Variants in ATRNL1 observed in about 807,000 individuals in gnomAD.
The protein encoded by ATRNL1 is attractin like 1.
ATRNL1 carries 95 observed loss-of-function variants against 182.7 expected under a neutral mutation model. That is an observed-to-expected ratio of 0.52 (90% CI 0.44 to 0.62). The LOEUF (loss-of-function observed/expected upper bound fraction) is 0.62, where lower values mean the gene tolerates loss of function less well. Among genes scored for constraint, ATRNL1 ranks in the 20% least tolerant of loss-of-function variants. ATRNL1 has a pLI of 0.00. For synonymous variants in ATRNL1, 576 were observed against 568.3 expected (o/e 1.01, Z -0.19); for missense variants, 1,471 against 1,679.5 (o/e 0.88, Z 2.17).
intron 27 of ATRNL1, among the ~76,000 whole-genome samples, chr10:115,735,345 A>G (rs1947918481): frequency 6.6e-6 from 1 of 152,114 alleles, no homozygotes; most frequent in Admixed American, 6.5e-5. Flanking sequence ...TGGGAGGGTC[A>G]CACTCACACA....
intron 19 of ATRNL1, among the ~76,000 whole-genome samples, chr10:115,371,752 G>C (rs1857406765): frequency 6.6e-6 from 1 of 152,128 alleles, no homozygotes; most frequent in Admixed American, 6.5e-5. Flanking sequence ...TATGACTTGG[G>C]GGAATGTTGG....
At chr10:115,559,604 G>T (rs2133834069) in intron 26 of ATRNL1, among the ~76,000 whole-genome samples, 1 of 152,226 alleles carries the variant, frequency 6.6e-6, no homozygotes, top group Admixed American at 6.5e-5. Context: ...CCTAGATCTT[G>T]ATTTCTAAAT....
chr10:115,836,542 G>A (rs761171189), intron 27 of ATRNL1, among the ~76,000 whole-genome samples: 12 of 152,246 alleles, frequency 7.9e-5, no homozygotes, highest in Middle Eastern at 3.4e-3. Flanking sequence ...CGCTTCTGGC[G>A]TTGCCTGCAA....
chr10:115,150,189 C>A (rs1044031003), intron 5 of ATRNL1, among the ~76,000 whole-genome samples: 1 of 151,734 alleles, frequency 6.6e-6, no homozygotes, highest in African/African-American at 2.4e-5. Context: ...TCAGTTGTAA[C>A]GTGTCCTTTT....
rs797028932 is a variant in ATRNL1 at position 115,315,027 on chromosome 10, C to T, written c.2819-491C>T. On this transcript the variant is annotated intron_variant, in intron 17 of 28. Transcript: ENST00000355044. ...TAGTATCTTGGACCCTTGTGAGGAG[C>T]ATTGTCCATAATAGGTAGTCCAAAT... Among the ~76,000 whole-genome samples, 4 of 152,116 alleles carry T rather than the reference C, an allele frequency of 2.6e-5. No homozygotes were observed. In the East Asian group the frequency reaches 7.7e-4, roughly 29 times the overall value.
chr10:115,252,350 G>A (rs972953360), intron 10 of ATRNL1, among the ~76,000 whole-genome samples: 2 of 151,956 alleles, frequency 1.3e-5, no homozygotes, highest in African/African-American at 2.4e-5. Context: ...TTCTTTGGTC[G>A]TATACTCTCT....
chr10:115,197,946 A>G (rs1554891432), intron 8 of ATRNL1, among the ~76,000 whole-genome samples: 1 of 152,142 alleles, frequency 6.6e-6, no homozygotes, highest in East Asian at 1.9e-4. Context: ...TTGATTCCAT[A>G]TCTTGGCTAT....
chr10:115,222,744 A>G (rs1217730482), intron 9 of ATRNL1, among the ~76,000 whole-genome samples: 1 of 152,224 alleles, frequency 6.6e-6, no homozygotes, highest in Non-Finnish European at 1.5e-5. Flanking sequence ...TAGAAAAACA[A>G]TGACTGAGAT....
chr10:115,265,309 G>A, intron 11 of ATRNL1, 32 bp downstream of exon 11: 3 of 1,366,564 alleles, frequency 2.2e-6, no homozygotes, highest in Non-Finnish European at 3.1e-6. Flanking sequence ...TTTTTAGAGG[G>A]TCACTTATAT....
At chr10:115,162,056 G>A (rs2144016688) in intron 6 of ATRNL1, among the ~76,000 whole-genome samples, 1 of 151,888 alleles carries the variant, frequency 6.6e-6, no homozygotes, top group East Asian at 1.9e-4. Context: ...GCAAACTTTT[G>A]AAAACACTAC....
intron 28 of ATRNL1, among the ~76,000 whole-genome samples, chr10:115,914,838 G>A (rs1952796514): frequency 6.6e-6 from 1 of 152,052 alleles, no homozygotes; most frequent in Non-Finnish European, 1.5e-5. Context: ...TGTGTCCTTG[G>A]CAAAGTTGTT....
At chr10:115,755,873 C>T (rs1009325862) in intron 27 of ATRNL1, among the ~76,000 whole-genome samples, 3 of 152,044 alleles carry the variant, frequency 2.0e-5, no homozygotes, top group South Asian at 2.1e-4. Context: ...TTCAGGGATT[C>T]GACTTCTTCC....
At chr10:115,900,156 CAG>C (rs1349516111) in intron 28 of ATRNL1, among the ~76,000 whole-genome samples, 2 of 152,146 alleles carry the variant, frequency 1.3e-5, no homozygotes, top group Non-Finnish European at 2.9e-5. Context: ...TGGAAAGAAA[CAG>C]AGTTTCCAAT....
intron 9 of ATRNL1, among the ~76,000 whole-genome samples, chr10:115,237,349 C>G (rs1554901689): frequency 6.6e-6 from 1 of 152,118 alleles, no homozygotes; most frequent in African/African-American, 2.4e-5. Context: ...TTTTTCATTC[C>G]CAGCAGCGAT....
rs1845270650 is a variant in ATRNL1, at chr10:115,414,034, A to G, written c.3270-12216A>G. Among the ~76,000 whole-genome samples, 3 of 152,188 alleles carry G rather than the reference A, an allele frequency of 2.0e-5. No individual in the cohort carries two copies. In the South Asian group the frequency reaches 6.2e-4, roughly 31 times the overall value. On this transcript the variant is annotated intron_variant, in intron 20 of 28. Coordinates refer to ENST00000355044, the MANE Select transcript of ATRNL1 (RefSeq NM_207303.4). Reference sequence around the variant, plus strand: ...ACTTCCAATTCGGATCTATTTCTGCAAGGCTTTTGTACCTTCTCCGGCTCA... The same window carrying G: ...ACTTCCAATTCGGATCTATTTCTGCGAGGCTTTTGTACCTTCTCCGGCTCA...
chr10:115,118,250 G>C (rs550025315), intron 1 of ATRNL1, among the ~76,000 whole-genome samples: 184 of 152,152 alleles, frequency 1.2e-3, no homozygotes, highest in Non-Finnish European at 2.4e-3. Context: ...TGTGCTTGTG[G>C]GTTATTCCTC....
At chr10:115,467,694 T>A (rs1479046099) in intron 23 of ATRNL1, among the ~76,000 whole-genome samples, 3 of 150,730 alleles carry the variant, frequency 2.0e-5, no homozygotes, top group African/African-American at 7.3e-5. Context: ...TTAGAAAATA[T>A]AACCCCTCTT....
intron 19 of ATRNL1, among the ~76,000 whole-genome samples, chr10:115,374,063 A>G (rs1429527295): frequency 4.0e-5 from 6 of 151,720 alleles, no homozygotes; most frequent in African/African-American, 1.4e-4. Context: ...GATTCTGTTT[A>G]TATTTTCTAT....
At chr10:115,145,904 T>C (rs1232164439) in intron 5 of ATRNL1, among the ~76,000 whole-genome samples, 2 of 152,140 alleles carry the variant, frequency 1.3e-5, no homozygotes, top group Non-Finnish European at 2.9e-5. Context: ...TAAGCTTGAT[T>C]TTTCTCCTTG....
Sources: gnomAD v4.1 joint callset for allele counts (sites outside exome capture counted in the v4.1 genomes callset) on GRCh38, gnomAD v4.1.1 for gene constraint, MANE v1.5 for transcripts, NCBI Gene and HGNC (gene_info 2026-07-23, HGNC 2026-07-21) for gene names.